Variants in TBL1X observed in about 807,000 individuals in gnomAD.
TBL1X encodes transducin beta like 1 X-linked, also known as F-box-like/WD repeat-containing protein TBL1X.
TBL1X carries 10 observed loss-of-function variants against 50.7 expected under a neutral mutation model. The ratio of observed to expected loss-of-function variants is 0.20; its 90% CI spans 0.12 to 0.33. The LOEUF (loss-of-function observed/expected upper bound fraction) is 0.33. Among genes scored for constraint, TBL1X ranks in the 10% least tolerant of loss-of-function variants. The pLI, the probability that TBL1X is intolerant of heterozygous loss-of-function variation, is 1.00. For synonymous variants in TBL1X, 190 were observed against 214.7 expected, an observed-to-expected ratio of 0.88 and a Z score of 1.01; for missense variants, 340 against 504.4, an observed-to-expected ratio of 0.67 and a Z score of 3.12.
At chrX:9,636,485 A>AAACAACAACAACAACAAC (rs60010378) in intron 2 of TBL1X, 175 of 101,562 alleles carry the variant, frequency 1.7e-3, no homozygotes, top group Non-Finnish European at 2.7e-3. Flanking sequence ...AAACAAAGCA[A>AAACAACAACAACAACAAC]AACAACAACA....
chrX:9,505,219 A>G (rs1400491683), intron 2 of TBL1X, among the ~76,000 whole-genome samples: 2 of 112,124 alleles, frequency 1.8e-5, no homozygotes, highest in East Asian at 2.8e-4. Context: ...TAAGCTTTCT[A>G]TAAAATCCTT....
rs188687498 is a variant in TBL1X, at chrX:9,477,432, C to T, written c.-201+11985C>T. 7.1e-5 allele frequency among the ~76,000 whole-genome samples: 8 copies of T among 112,251 alleles called. No homozygotes were observed. The East Asian group carries it at 1.9e-3, about 27-fold the overall frequency. ...GGAGTGGAAATTCTTTCTGTCCACA[C>T]CACTGAGTTGGGCAGTTACTGGTGT... On this transcript the variant is annotated intron_variant, in intron 1 of 17. Transcript: ENST00000645353.
chrX:9,715,734 G>T (rs1179549402), intron 17 of TBL1X, among the ~76,000 whole-genome samples: 3 of 111,881 alleles, frequency 2.7e-5, no homozygotes, highest in Admixed American at 9.4e-5. Context: ...CCGGGCCTCT[G>T]GTGGCCATCC....
At chrX:9,544,815 C>T (rs956889553) in intron 2 of TBL1X, among the ~76,000 whole-genome samples, 2 of 110,772 alleles carry the variant, frequency 1.8e-5, no homozygotes, top group African/African-American at 6.6e-5. Flanking sequence ...ATCCACCTGC[C>T]TTGACCTCCC....
intron 2 of TBL1X, among the ~76,000 whole-genome samples, chrX:9,581,750 T>C (rs759899353): frequency 1.9e-4 from 21 of 112,301 alleles, no homozygotes; most frequent in Non-Finnish European, 3.6e-4. Context: ...TCCTGTATCC[T>C]GTACTGGACA....
intron 2 of TBL1X, among the ~76,000 whole-genome samples, chrX:9,611,101 A>G (rs890789986): frequency 5.0e-5 from 5 of 99,589 alleles, no homozygotes; most frequent in African/African-American, 1.8e-4. Flanking sequence ...TTCATGCTAC[A>G]GTATGCAGTG....
intron 2 of TBL1X, among the ~76,000 whole-genome samples, chrX:9,592,967 C>T (rs2082509028): frequency 1.8e-5 from 2 of 111,502 alleles, no homozygotes; most frequent in Admixed American, 1.9e-4. Context: ...AAATATATTT[C>T]TTCTGTGAGT....
intron 2 of TBL1X, among the ~76,000 whole-genome samples, chrX:9,568,328 C>A (rs1359332916): frequency 9.6e-6 from 1 of 103,654 alleles, no homozygotes; most frequent in Non-Finnish European, 2.0e-5. Context: ...GTGTCTCTGG[C>A]GGGCTGTGTA....
intron 2 of TBL1X, among the ~76,000 whole-genome samples, chrX:9,545,440 G>A (rs1387408028): frequency 9.2e-6 from 1 of 108,861 alleles, no homozygotes; most frequent in African/African-American, 3.3e-5. Flanking sequence ...CCTACTGCTT[G>A]AGAGGCTGAG....
chrX:9,518,110 A>G (rs1049684513), intron 2 of TBL1X, among the ~76,000 whole-genome samples: 155 of 110,609 alleles, frequency 1.4e-3, no homozygotes, highest in African/African-American at 5.0e-3. Context: ...AAAAAAAAAA[A>G]AAAAAAGAAA....
chrX:9,565,983 A>G (rs1330071858), intron 2 of TBL1X, among the ~76,000 whole-genome samples: 2 of 112,363 alleles, frequency 1.8e-5, no homozygotes, highest in Admixed American at 1.9e-4. Context: ...TAATAAAAGG[A>G]GCCTTTTGCC....
intron 1 of TBL1X, among the ~76,000 whole-genome samples, chrX:9,492,898 T>TGTGTGTGTG: frequency 2.2e-5 from 1 of 45,402 alleles, no homozygotes. Context: ...TGTGTGTGTG[T>TGTGTGTGTG]AGGGGAGGAA....
intron 2 of TBL1X, among the ~76,000 whole-genome samples, chrX:9,600,469 CG>C (rs1236527927): frequency 0.032 from 360 of 11,241 alleles, 8 homozygotes; most frequent in East Asian, 0.085. Flanking sequence ...ATTTGGTGGG[CG>C]GGGGGGGGGG....
chrX:9,686,795 T>A (rs1387216159), intron 6 of TBL1X, among the ~76,000 whole-genome samples: 1 of 112,221 alleles, frequency 8.9e-6, no homozygotes, highest in Non-Finnish European at 1.9e-5. Flanking sequence ...GCTTGTTCAT[T>A]TGGGTGTGAA....
intron 5 of TBL1X, among the ~76,000 whole-genome samples, chrX:9,668,494 T>C (rs1223478264): frequency 8.9e-6 from 1 of 112,467 alleles, no homozygotes; most frequent in African/African-American, 3.2e-5. Flanking sequence ...CTTTTAGCAA[T>C]TGAATAAGAT....
At chrX:9,626,949 G>A (rs1179600262) in intron 2 of TBL1X, among the ~76,000 whole-genome samples, 1 of 112,134 alleles carries the variant, frequency 8.9e-6, no homozygotes, top group East Asian at 2.8e-4. Context: ...ACAAAACTAG[G>A]CCTGATGTAA....
chrX:9,656,491 C>T (rs2082865788), intron 5 of TBL1X, among the ~76,000 whole-genome samples: 1 of 112,603 alleles, frequency 8.9e-6, no homozygotes, highest in South Asian at 3.7e-4. Flanking sequence ...AAACCCCCAT[C>T]CCTCCCCAGA....
intron 2 of TBL1X, among the ~76,000 whole-genome samples, chrX:9,527,128 C>T (rs1421214497): frequency 8.9e-6 from 1 of 112,241 alleles, no homozygotes; most frequent in Non-Finnish European, 1.9e-5. Flanking sequence ...CTGTCCACCC[C>T]CAAAGCCCTT....
intron 13 of TBL1X, 98 bp downstream of exon 13, chrX:9,705,212 A>G (rs1167974053): frequency 8.6e-7 from 1 of 1,161,298 alleles, no homozygotes; most frequent in Non-Finnish European, 1.2e-6. Flanking sequence ...GCAGCAGCAG[A>G]CCAGCTCTAA....
Sources: gnomAD v4.1 joint callset for allele counts (sites outside exome capture counted in the v4.1 genomes callset) on GRCh38, gnomAD v4.1.1 for gene constraint, MANE v1.5 for transcripts, NCBI Gene and HGNC (gene_info 2026-07-23, HGNC 2026-07-21) for gene names.